CYB5A: variants seen among roughly 807,000 people sequenced by gnomAD.
CYB5A encodes cytochrome b5.
Under a neutral mutation model 16.2 loss-of-function variants are expected in CYB5A, and 10 were observed. The observed-to-expected ratio is 0.62, with a 90% confidence interval of 0.38 to 1.04. The LOEUF is 1.04. CYB5A is among the 50% of genes least tolerant of loss of function. CYB5A has a pLI of 0.01. For synonymous variants in CYB5A, 62 were observed against 57.0 expected (o/e 1.09, Z -0.40); for missense variants, 161 against 165.9 (o/e 0.97, Z 0.16).
Position 74,251,325 on chromosome 18 carries a change from T to C in CYB5A, c.*2259A>G, listed in dbSNP as rs1182951372. ...GGGAGACATGAGACATTGATCAATATATGTAAGAAGTACATTGGTTCTGTT... is the reference window on the plus strand; with the variant it reads ...GGGAGACATGAGACATTGATCAATACATGTAAGAAGTACATTGGTTCTGTT... On this transcript the variant is annotated 3_prime_UTR_variant, in exon 5 of 5. Coordinates refer to ENST00000340533, the MANE Select transcript of CYB5A (RefSeq NM_148923.4). 2.0e-5 allele frequency: 3 copies of C among 152,596 alleles called. No homozygotes were observed. Among genetic ancestry groups the C allele is most frequent in the African/African-American group, 7.2e-5 (3 of 41,436 alleles). The allele number at this position is 152,596 out of a possible 1,614,324, so 9.5% of individuals were successfully genotyped here.
intron 1 of CYB5A, among the ~76,000 whole-genome samples, chr18:74,288,586 C>A (rs1256711190): frequency 6.6e-6 from 1 of 152,212 alleles, no homozygotes; most frequent in East Asian, 1.9e-4. Context: ...AGACATTCTG[C>A]ACTCATTTCT....
chr18:74,259,899 A>G (rs940338937), intron 3 of CYB5A: 4 of 152,154 alleles, frequency 2.6e-5, no homozygotes, highest in Admixed American at 6.6e-5. Flanking sequence ...GGAAGTACTC[A>G]TATCATTCAC....
Position 74,265,732 on chromosome 18 carries a change from T to G in CYB5A, c.130-2255A>C, listed in dbSNP as rs1982407820. On this transcript the variant is annotated intron_variant, in intron 1 of 4. Transcript: ENST00000340533. ...GGCCTCGGGAAGCTTTTACGCACAG[T>G]GGAAGGCCCGGGGGAGCCCACACAT... is the stretch of plus-strand genomic sequence containing the variant. Among the ~76,000 whole-genome samples the G allele has an allele frequency of 1.3e-5, 2 of 152,182 alleles. 1 individual carries two copies. The highest frequency in any genetic ancestry group is 2.9e-5 in the Non-Finnish European group (2 of 68,022).
intron 1 of CYB5A, among the ~76,000 whole-genome samples, chr18:74,286,665 C>A (rs1273293481): frequency 6.6e-6 from 1 of 152,220 alleles, no homozygotes; most frequent in Non-Finnish European, 1.5e-5. Flanking sequence ...GTTTTCCTAA[C>A]CCCAGCCCAG....
intron 1 of CYB5A, 136 bp from the exon 2 acceptor site, chr18:74,263,613 A>T: frequency 1.3e-6 from 1 of 763,558 alleles, no homozygotes; most frequent in South Asian, 1.5e-5. Flanking sequence ...CTTGTCCATA[A>T]ATGTGGATTA....
intron 1 of CYB5A, among the ~76,000 whole-genome samples, chr18:74,286,541 C>T (rs1006858608): frequency 5.3e-5 from 8 of 152,208 alleles, no homozygotes; most frequent in African/African-American, 1.9e-4. Flanking sequence ...TATCATTTCT[C>T]CCAATGCAGA....
chr18:74,266,915 A>G (rs899626141), intron 1 of CYB5A, among the ~76,000 whole-genome samples: 6 of 152,182 alleles, frequency 3.9e-5, no homozygotes, highest in Non-Finnish European at 8.8e-5. Context: ...GTCTATCTTA[A>G]TAATTGGTAG....
chr18:74,271,967 T>C (rs1982687344), intron 1 of CYB5A, among the ~76,000 whole-genome samples: 1 of 152,192 alleles, frequency 6.6e-6, no homozygotes, highest in Non-Finnish European at 1.5e-5. Flanking sequence ...TAAAGAGATG[T>C]AGAAAGTAAA....
chr18:74,255,567 G>A (rs1029280161), intron 4 of CYB5A, among the ~76,000 whole-genome samples, 174 bp downstream of exon 4: 3 of 152,154 alleles, frequency 2.0e-5, no homozygotes, highest in Non-Finnish European at 2.9e-5. Flanking sequence ...GTTCACAGTC[G>A]GCTACCTGAA....
At chr18:74,278,384 G>A (rs1409812517) in intron 1 of CYB5A, among the ~76,000 whole-genome samples, 1 of 152,192 alleles carries the variant, frequency 6.6e-6, no homozygotes, top group African/African-American at 2.4e-5. Flanking sequence ...GCAAGTAAGA[G>A]ATGTTCGAGA....
At chr18:74,266,701 G>A (rs570681216) in intron 1 of CYB5A, among the ~76,000 whole-genome samples, 5 of 150,868 alleles carry the variant, frequency 3.3e-5, no homozygotes, top group South Asian at 4.2e-4. Flanking sequence ...TCTACCTATC[G>A]ACCTCTGGTT....
intron 1 of CYB5A, among the ~76,000 whole-genome samples, chr18:74,269,550 AC>A (rs1250337698): frequency 1.3e-5 from 2 of 151,846 alleles, no homozygotes; most frequent in East Asian, 3.9e-4. Context: ...GCTAATGCAC[AC>A]TCCAGCGTAA....
chr18:74,268,775 G>A (rs1982551049), intron 1 of CYB5A, among the ~76,000 whole-genome samples: 1 of 152,068 alleles, frequency 6.6e-6, no homozygotes, highest in Non-Finnish European at 1.5e-5. Flanking sequence ...TGGAAGATGG[G>A]GCCAAATGCT....
At chr18:74,278,135 C>T (rs7239618) in intron 1 of CYB5A, among the ~76,000 whole-genome samples, 105,445 of 152,066 alleles carry the variant, frequency 0.69, 36,962 homozygotes, top group East Asian at 0.89. Context: ...ATTACCATTA[C>T]TATCCCCACT....
Position 74,251,271 on chromosome 18 carries a change from C to G in CYB5A, c.*2313G>C, listed in dbSNP as rs970189216. The G allele has an allele frequency of 1.3e-5, 2 of 152,058 alleles. No homozygotes were observed. Among genetic ancestry groups the G allele is most frequent in the Non-Finnish European group, 2.9e-5 (2 of 68,082 alleles). 9.4% of individuals were successfully genotyped at this position (152,058 alleles called of 1,614,324 possible). A position where few individuals can be genotyped will look rare whatever the true frequency, so the allele number is the denominator to read the frequency against. ...CCTAATGACATGTACCCAAGGTGGT[C>G]AGGGCACAGCTTGGTTTTATGCATT... On this transcript the variant is annotated 3_prime_UTR_variant, in exon 5 of 5. Transcript: ENST00000340533.
chr18:74,255,820 G>T (rs368617791), intron 3 of CYB5A, 45 bp from the exon 4 acceptor site: 10 of 1,441,370 alleles, frequency 6.9e-6, no homozygotes, highest in Non-Finnish European at 9.8e-6. Flanking sequence ...AGGGAATGCT[G>T]AACTTATTTC....
chr18:74,277,259 G>A (rs919082478), intron 1 of CYB5A, among the ~76,000 whole-genome samples: 4 of 152,194 alleles, frequency 2.6e-5, no homozygotes, highest in African/African-American at 9.6e-5. Context: ...TGGCCTCAAA[G>A]TTGGTTTGAG....
intron 1 of CYB5A, among the ~76,000 whole-genome samples, chr18:74,272,106 T>C (rs935856613): frequency 6.6e-6 from 1 of 152,248 alleles, no homozygotes; most frequent in East Asian, 1.9e-4. Context: ...TGCTAAGCCC[T>C]ATCCTATGTA....
intron 1 of CYB5A, among the ~76,000 whole-genome samples, chr18:74,272,970 G>A (rs1458413388): frequency 6.6e-6 from 1 of 152,102 alleles, no homozygotes; most frequent in Admixed American, 6.5e-5. Context: ...TTTAGTCCTT[G>A]TTTTTACTAT....
Sources: gnomAD v4.1 joint callset for allele counts (sites outside exome capture counted in the v4.1 genomes callset) on GRCh38, gnomAD v4.1.1 for gene constraint, MANE v1.5 for transcripts, NCBI Gene and HGNC (gene_info 2026-07-23, HGNC 2026-07-21) for gene names.